The following IGFBP5 variants were observed in gnomAD, a reference collection of about 807,000 sequenced individuals.
IGFBP5 encodes insulin like growth factor binding protein 5.
In IGFBP5, 12 loss-of-function variants were observed where a neutral mutation model predicts 28.0. That is an observed-to-expected ratio of 0.43 (90% confidence interval 0.27 to 0.69). IGFBP5 has a LOEUF of 0.69. IGFBP5 is among the 30% of genes least tolerant of loss of function. IGFBP5 has a pLI of 0.20. For synonymous variants in IGFBP5, 152 were observed against 150.2 expected (o/e 1.01, Z -0.09); for missense variants, 344 against 381.6 (o/e 0.90, Z 0.82).
chr2:216,694,686 G>T lies in IGFBP5; in HGVS notation c.90C>A (p.Cys30Ter). Residue 30 changes from cysteine (C) to a stop codon, truncating the protein, a stop_gained, in exon 1 of 4, where the codon TGC becomes TGA. Coordinates refer to ENST00000233813, the MANE Select transcript of IGFBP5 (RefSeq NM_000599.4). LOFTEE classifies it high-confidence loss of function. The surrounding 1 kb of genome is among the most constrained non-coding windows in gnomAD (Gnocchi z 5.2). ...GGCACATGGAGAGGGCTTTCTCGTCGCAGGGCTCGCAGTGCACGAAGGAGC... is the reference window on the plus strand; with the variant it reads ...GGCACATGGAGAGGGCTTTCTCGTCTCAGGGCTCGCAGTGCACGAAGGAGC... ...SLGSFVHCEP[C>*]DEKALSMCPP... 3 of 1,513,742 alleles carry T rather than the reference G, an allele frequency of 2.0e-6. No individual in the cohort carries two copies. The highest frequency in any genetic ancestry group is 1.8e-6 in the Non-Finnish European group (2 of 1,135,030). The allele number at this position is 1,513,742 out of a possible 1,614,324, so 93.8% of individuals were successfully genotyped here.
In IGFBP5 at chr2:216,694,655, T is replaced by TG. The variant is rs748087175; in HGVS notation, c.120dup (p.Ser41GlnfsTer78). ...TTGACCAGCTCGCAGCCCAGGGGGC[T>TG]GGGGGGGCACATGGAGAGGGCTTTC... is the stretch of plus-strand genomic sequence containing the variant. On this transcript the variant is annotated frameshift_variant, in exon 1 of 4. Transcript: ENST00000233813. LOFTEE classifies it high-confidence loss of function. This position sits in a 1 kb window ranked among gnomAD's most constrained non-coding sequence, Gnocchi z 5.2. 2.2e-5 allele frequency: 33 copies of TG among 1,527,314 alleles called. No homozygotes were observed. The highest frequency in any genetic ancestry group is 7.4e-5 in the East Asian group (3 of 40,750). 94.6% of individuals were successfully genotyped at this position (1,527,314 alleles called of 1,614,324 possible).
At chr2:216,677,281 G>T (rs771493453) in intron 3 of IGFBP5, among the ~76,000 whole-genome samples, 1 of 152,048 alleles carries the variant, frequency 6.6e-6, no homozygotes, top group Admixed American at 6.5e-5. Flanking sequence ...TTCCCCCAAC[G>T]TGAAACTCTG....
intron 1 of IGFBP5, among the ~76,000 whole-genome samples, chr2:216,690,719 T>G (rs1689084734): frequency 7.1e-5 from 7 of 98,744 alleles, no homozygotes; most frequent in South Asian, 3.7e-4. Flanking sequence ...TGCCTTAGAG[T>G]TGGGGTGGGG....
At chr2:216,680,503 G>A (rs1191651565) in intron 1 of IGFBP5, among the ~76,000 whole-genome samples, 1 of 152,198 alleles carries the variant, frequency 6.6e-6, no homozygotes, top group African/African-American at 2.4e-5. Flanking sequence ...GCAAGTTCCA[G>A]GTGTGAGTTA....
Position 216,679,097 on chromosome 2 carries a change from G to T in IGFBP5, c.338-18C>A. 1 of 1,610,222 alleles carries T rather than the reference G, an allele frequency of 6.2e-7. No individual in the cohort carries two copies. Among genetic ancestry groups the T allele is most frequent in the Non-Finnish European group, 8.5e-7 (1 of 1,176,698 alleles). ...GTCTCTCTCTGCAGGAGAAGGAGCC[G>T]GAGGGTCAGCCCCCGTGGGCCAAGG... On this transcript the variant is annotated intron_variant, in intron 1 of 3. Transcript: ENST00000233813. The surrounding 1 kb of genome is among the most constrained non-coding windows in gnomAD (Gnocchi z 4.6).
chr2:216,690,162 A>G (rs1047944708), intron 1 of IGFBP5, among the ~76,000 whole-genome samples: 2 of 152,194 alleles, frequency 1.3e-5, no homozygotes, highest in Non-Finnish European at 2.9e-5. Context: ...TACTGTTTTG[A>G]ATAACATGTC....
rs56040272 is a variant in IGFBP5 at position 216,691,836 on chromosome 2, C to CGTGTGTGTGTGT, written c.337+2591_337+2602dup. On this transcript the variant is annotated intron_variant, in intron 1 of 3. Transcript: ENST00000233813. ...ATATAATTATATAGATATAATATGT[C>CGTGTGTGTGTGT]GTGTGTGTGTGTGTGTGTGTGTGTG... 6.2e-3 allele frequency among the ~76,000 whole-genome samples: 753 copies of CGTGTGTGTGTGT among 121,218 alleles called. 6 individuals carry two copies. Among genetic ancestry groups the CGTGTGTGTGTGT allele is most frequent in the African/African-American group, 8.9e-3 (282 of 31,718 alleles). 79.5% of individuals were successfully genotyped at this position (121,218 alleles called of 152,430 possible). A position where few individuals can be genotyped will look rare whatever the true frequency, so the allele number is the denominator to read the frequency against.
In IGFBP5 at chr2:216,674,367, C is replaced by G. The variant is rs116476738; in HGVS notation, c.*2384G>C. 1.3e-5 allele frequency: 2 copies of G among 153,130 alleles called. No homozygotes were observed. Among genetic ancestry groups the G allele is most frequent in the Admixed American group, 6.5e-5 (1 of 15,288 alleles). 9.5% of individuals were successfully genotyped at this position (153,130 alleles called of 1,614,324 possible). ...AAGGCCTTGTGGCTGCTGGCCCTAT[C>G]GGGCCCCTTTGTCTCATGAAGATTG... On this transcript the variant is annotated 3_prime_UTR_variant, in exon 4 of 4. Coordinates refer to ENST00000233813, the MANE Select transcript of IGFBP5 (RefSeq NM_000599.4). This position sits in a 1 kb window ranked among gnomAD's most constrained non-coding sequence, Gnocchi z 4.4.
At chr2:216,681,569 G>T (rs923928366) in intron 1 of IGFBP5, among the ~76,000 whole-genome samples, 4 of 152,086 alleles carry the variant, frequency 2.6e-5, no homozygotes, top group Non-Finnish European at 5.9e-5. Context: ...AATCCTTTCC[G>T]TAGGCCATTT....
chr2:216,676,450 C>T lies in IGFBP5; in HGVS notation c.*301G>A. On this transcript the variant is annotated 3_prime_UTR_variant, in exon 4 of 4. Coordinates refer to ENST00000233813, the MANE Select transcript of IGFBP5 (RefSeq NM_000599.4). ...TTCTCTCTCTTCTACACAAACACTT[C>T]CTTCCCTTCTCTTCCTCTCGTTCTT... 1 of 221,834 alleles carries T rather than the reference C, an allele frequency of 4.5e-6. No individual in the cohort carries two copies. Among genetic ancestry groups the T allele is most frequent in the East Asian group, 1.4e-4 (1 of 7,054 alleles). 13.7% of individuals were successfully genotyped at this position (221,834 alleles called of 1,614,324 possible).
intron 1 of IGFBP5, among the ~76,000 whole-genome samples, chr2:216,688,983 A>T (rs140732909): frequency 7.7e-4 from 118 of 152,288 alleles, no homozygotes; most frequent in African/African-American, 2.5e-3. Flanking sequence ...TCTGAGACAC[A>T]TCTGCCTATG....
At chr2:216,681,294 G>A (rs1443033350) in intron 1 of IGFBP5, among the ~76,000 whole-genome samples, 1 of 152,172 alleles carries the variant, frequency 6.6e-6, no homozygotes, top group Non-Finnish European at 1.5e-5. Flanking sequence ...GTAGGGGGAG[G>A]GGCAGACAGG....
At chr2:216,682,584 A>G (rs1448558981) in intron 1 of IGFBP5, among the ~76,000 whole-genome samples, 1 of 152,166 alleles carries the variant, frequency 6.6e-6, no homozygotes, top group Non-Finnish European at 1.5e-5. Flanking sequence ...GTGAACAGCA[A>G]AAGAACTCAA....
In IGFBP5 at chr2:216,695,001, A is replaced by G; in HGVS notation, c.-226T>C. On this transcript the variant is annotated 5_prime_UTR_variant, in exon 1 of 4. Transcript: ENST00000233813. ...CAGTTGCAAGAATTAAAGCCTTGCAACAGGTTGGGGGAAGCAGGGCAGCGC... is the reference window on the plus strand; with the variant it reads ...CAGTTGCAAGAATTAAAGCCTTGCAGCAGGTTGGGGGAAGCAGGGCAGCGC... 1 of 380,248 alleles carries G rather than the reference A, an allele frequency of 2.6e-6. No individual in the cohort carries two copies. The highest frequency in any genetic ancestry group is 4.7e-6 in the Non-Finnish European group (1 of 214,562). The allele number at this position is 380,248 out of a possible 1,614,324, so 23.6% of individuals were successfully genotyped here.
In IGFBP5 at chr2:216,678,873, C is replaced by T. The variant is rs1688935872; in HGVS notation, c.544G>A (p.Glu182Lys). The change falls in exon 2 of 4, where the codon GAG (glutamate) becomes AAG (lysine). Residue 182 changes from glutamate to lysine, a missense_variant. Glu to Lys is a moderately conservative substitution (Grantham distance 56). This residue lies in a region of IGFBP5 where 304 missense variants were observed against 329.2 expected (regional missense o/e 0.92). Transcript: ENST00000233813. ...TAHPRIISAP[E>K]MRQESEQGPC... ...ACCTGCTCAGACTCCTGTCTCATCTCAGGTGCAGAGATGATCCGGGGGTGG... is the reference window on the plus strand; with the variant it reads ...ACCTGCTCAGACTCCTGTCTCATCTTAGGTGCAGAGATGATCCGGGGGTGG... The T allele has an allele frequency of 6.2e-7, 1 of 1,614,024 alleles. No individual in the cohort carries two copies. The highest frequency in any genetic ancestry group is 1.1e-5 in the South Asian group (1 of 91,070).
rs772760917 is a variant in IGFBP5 at position 216,694,593 on chromosome 2, C to T, written c.183G>A (p.Leu61=). 10 of 1,548,460 alleles carry T rather than the reference C, an allele frequency of 6.5e-6. No homozygotes were observed. The highest frequency in any genetic ancestry group is 8.7e-6 in the Non-Finnish European group (10 of 1,148,510). Reference sequence around the variant, plus strand: ...AGACGCCGCACGACTGCCCCTCGGCCAGGGCGCAGGTCATGCAGCAGCCGC... The same window carrying T: ...AGACGCCGCACGACTGCCCCTCGGCTAGGGCGCAGGTCATGCAGCAGCCGC... ...PGCGCCMTCA[L]AEGQSCGVYT... The change falls in exon 1 of 4, where the codon CTG becomes CTA. Residue 61 remains leucine, a synonymous_variant. Transcript: ENST00000233813. The surrounding 1 kb of genome is among the most constrained non-coding windows in gnomAD (Gnocchi z 5.2).
At position 216,692,252 on chromosome 2, in the gene IGFBP5, G is replaced by A. The variant is rs1327718209; in HGVS notation, c.337+2187C>T. On this transcript the variant is annotated intron_variant, in intron 1 of 3. Coordinates refer to ENST00000233813, the MANE Select transcript of IGFBP5 (RefSeq NM_000599.4). This position sits in a 1 kb window ranked among gnomAD's most constrained non-coding sequence, Gnocchi z 4.2. The stretch of plus-strand genomic sequence containing the variant: ...GAGTCGGAGAGGAGTGCTGGGGAGG[G>A]GGCGGGTAGAAGAGGCGGCTTCGGG... Among the ~76,000 whole-genome samples the A allele has an allele frequency of 6.6e-6, 1 of 152,302 alleles. No homozygotes were observed. Among genetic ancestry groups the A allele is most frequent in the South Asian group, 2.1e-4 (1 of 4,828 alleles).
chr2:216,678,894 G>A lies in IGFBP5; in HGVS notation c.523C>T (p.Pro175Ser), dbSNP rs1275968622. 1.2e-6 allele frequency: 2 copies of A among 1,614,218 alleles called. No homozygotes were observed. Among genetic ancestry groups the A allele is most frequent in the South Asian group, 1.1e-5 (1 of 91,080 alleles). Residue 175 changes from proline (P) to serine (S), a missense_variant, in exon 2 of 4, where the codon CCC (proline) becomes TCC (serine). By Grantham distance (74) the Pro-to-Ser change is moderately conservative (BLOSUM62 -1). This residue lies in a region of IGFBP5 where 304 missense variants were observed against 329.2 expected (regional missense o/e 0.92). Transcript: ENST00000233813. The stretch of plus-strand genomic sequence containing the variant: ...ATCTCAGGTGCAGAGATGATCCGGG[G>A]GTGGGCAGTGTTCTCGGCTCCCCCG... ...FVGGAENTAHPRIISAPEMRQ... is the reference protein window; with the variant it reads ...FVGGAENTAHSRIISAPEMRQ...
In IGFBP5 at chr2:216,679,249, G is replaced by T. The variant is rs1186122117; in HGVS notation, c.338-170C>A. ...GGGGGATAAGAACCAGGAAGCAGAG[G>T]GAATGCTCATTTAAGTGGCAGGAAG... On this transcript the variant is annotated intron_variant, in intron 1 of 3. Coordinates refer to ENST00000233813, the MANE Select transcript of IGFBP5 (RefSeq NM_000599.4). This position sits in a 1 kb window ranked among gnomAD's most constrained non-coding sequence, Gnocchi z 4.6. 1 of 651,612 alleles carries T rather than the reference G, an allele frequency of 1.5e-6. No individual in the cohort carries two copies. Among genetic ancestry groups the T allele is most frequent in the Non-Finnish European group, 2.8e-6 (1 of 357,426 alleles). 40.4% of individuals were successfully genotyped at this position (651,612 alleles called of 1,614,324 possible). A position where few individuals can be genotyped will look rare whatever the true frequency, so the allele number is the denominator to read the frequency against.
Sources: gnomAD v4.1 joint callset for allele counts (sites outside exome capture counted in the v4.1 genomes callset) on GRCh38, gnomAD v4.1.1 for gene constraint, gnomAD v4.1.1 regional missense constraint, Gnocchi (gnomAD v3.1) non-coding constraint, MANE v1.5 for transcripts, NCBI Gene and HGNC (gene_info 2026-07-23, HGNC 2026-07-21) for gene names.